The following KMT2A variants were observed in gnomAD, a reference collection of about 807,000 sequenced individuals.
The protein encoded by KMT2A is histone-lysine N-methyltransferase 2A.
KMT2A carries 16 observed loss-of-function variants against 345.3 expected under a neutral mutation model. The ratio of observed to expected loss-of-function variants is 0.05; its 90% CI spans 0.03 to 0.07. The LOEUF is 0.07. Ranked by LOEUF, KMT2A falls within the 10% of genes least tolerant of loss-of-function variation. KMT2A has a pLI of 1.00. For missense variants in KMT2A, 3,272 were observed against 4,841.6 expected (o/e 0.68, Z 9.62); for synonymous variants, 1,599 against 1,778.6 (o/e 0.90, Z 2.54).
Position 118,484,904 on chromosome 11 carries a change from G to A in KMT2A, c.4261G>A (p.Gly1421Arg). The A allele has an allele frequency of 6.2e-7, 1 of 1,614,050 alleles. No homozygotes were observed. The highest frequency in any genetic ancestry group is 2.2e-5 in the East Asian group (1 of 44,864). ...AAATGTGTGGGAGATGGGAGGCTTA[G>A]GAATCTTGACTTCTGTTCCTATAAC... Reference protein sequence around the residue: ...AENVWEMGGLGILTSVPITPR... With the variant: ...AENVWEMGGLRILTSVPITPR... Residue 1421 changes from glycine to arginine, a missense_variant, in exon 10 of 36, where the codon GGA (glycine) becomes AGA (arginine). By Grantham distance (125) the Gly-to-Arg change is moderately radical. Around this residue, in one of 27 missense-constraint regions of KMT2A, gnomAD observed 120 missense variants for 280.4 expected, o/e 0.43. Transcript: ENST00000534358. The surrounding 1 kb of genome is among the most constrained non-coding windows in gnomAD (Gnocchi z 4.1).
At position 118,505,442 on chromosome 11, in the gene KMT2A, C is replaced by T. The variant is rs1950564427; in HGVS notation, c.9550C>T (p.Pro3184Ser). ...TTTCCCACCAAACATCAGCAATCCT[C>T]CTTCAGGCCTGCTTATTGGGGTTCA... ...SSFPPNISNPPSGLLIGVQPP... is the reference protein window; with the variant it reads ...SSFPPNISNPSSGLLIGVQPP... Residue 3184 changes from proline (P) to serine (S), a missense_variant, in exon 27 of 36, where the codon CCT (proline) becomes TCT (serine). Transcript: ENST00000534358. The surrounding 1 kb of genome is among the most constrained non-coding windows in gnomAD (Gnocchi z 4.6). 1 of 1,614,096 alleles carries T rather than the reference C, an allele frequency of 6.2e-7. No homozygotes were observed. Among genetic ancestry groups the T allele is most frequent in the African/African-American group, 1.3e-5 (1 of 74,938 alleles).
chr11:118,493,485 T>G lies in KMT2A; in HGVS notation c.5178+255T>G, dbSNP rs2134347238. Among the ~76,000 whole-genome samples, 1 of 152,278 alleles carries G rather than the reference T, an allele frequency of 6.6e-6. No homozygotes were observed. Among genetic ancestry groups the G allele is most frequent in the East Asian group, 1.9e-4 (1 of 5,194 alleles). On this transcript the variant is annotated intron_variant, in intron 16 of 35. Coordinates refer to ENST00000534358, the MANE Select transcript of KMT2A (RefSeq NM_001197104.2). The surrounding 1 kb of genome is among the most constrained non-coding windows in gnomAD (Gnocchi z 5.8). ...CATCTCAGTTTTCTGAAAATTATTTTTATATTAAGAGGAAGCACTAAGAAA... is the reference window on the plus strand; with the variant it reads ...CATCTCAGTTTTCTGAAAATTATTTGTATATTAAGAGGAAGCACTAAGAAA...
rs191500081 is a variant in KMT2A at position 118,521,715 on chromosome 11, C to T, written c.11644-182C>T. On this transcript the variant is annotated intron_variant, in intron 35 of 35. Coordinates refer to ENST00000534358, the MANE Select transcript of KMT2A (RefSeq NM_001197104.2). The surrounding 1 kb of genome is among the most constrained non-coding windows in gnomAD (Gnocchi z 5.3). The stretch of plus-strand genomic sequence containing the variant: ...ACATTAGAAACCTCTAGACTAGTGG[C>T]CTGTAATCTAGGAAATCCTCGTGGA... 7.9e-5 allele frequency among the ~76,000 whole-genome samples: 12 copies of T among 152,240 alleles called. No homozygotes were observed. Among genetic ancestry groups the T allele is most frequent in the Non-Finnish European group, 1.3e-4 (9 of 68,022 alleles).
Position 118,496,395 on chromosome 11 carries a change from G to A in KMT2A, c.5664+28G>A. On this transcript the variant is annotated intron_variant, in intron 20 of 35. Transcript: ENST00000534358. The surrounding 1 kb of genome is among the most constrained non-coding windows in gnomAD (Gnocchi z 4.7). ...AAGTACTTTGCAACACAGGGCCCTA[G>A]TTAATACATACTCCAAAAGAACTGT... 1 of 1,450,136 alleles carries A rather than the reference G, an allele frequency of 6.9e-7. No homozygotes were observed. Among genetic ancestry groups the A allele is most frequent in the South Asian group, 1.1e-5 (1 of 87,690 alleles). The allele number at this position is 1,450,136 out of a possible 1,614,324, so 89.8% of individuals were successfully genotyped here. A position where few individuals can be genotyped will look rare whatever the true frequency, so the allele number is the denominator to read the frequency against.
rs1051655267 is a variant in KMT2A at position 118,521,602 on chromosome 11, A to G, written c.11643+185A>G. On this transcript the variant is annotated intron_variant, in intron 35 of 35. Coordinates refer to ENST00000534358, the MANE Select transcript of KMT2A (RefSeq NM_001197104.2). The surrounding 1 kb of genome is among the most constrained non-coding windows in gnomAD (Gnocchi z 5.3). ...GAATCCACTCTGAGGATTAGTACAG[A>G]AAGTTGCTCTTAGAAGGTTTGTCTG... 6.6e-6 allele frequency among the ~76,000 whole-genome samples: 1 copy of G among 152,214 alleles called. No homozygotes were observed. Among genetic ancestry groups the G allele is most frequent in the Non-Finnish European group, 1.5e-5 (1 of 68,038 alleles).
intron 15 of KMT2A, among the ~76,000 whole-genome samples, chr11:118,492,709 A>C (rs477106): frequency 0.75 from 113,786 of 152,182 alleles, 43,428 homozygotes; most frequent in Admixed American, 0.86. Context: ...AACCGCATGG[A>C]TCACTTTACC....
chr11:118,471,156 G>C lies in KMT2A; in HGVS notation c.503-506G>C, dbSNP rs149047036. 1.4e-4 allele frequency among the ~76,000 whole-genome samples: 22 copies of C among 152,270 alleles called. 1 individual carries two copies. In the East Asian group the frequency reaches 2.7e-3, roughly 19 times the overall value. On this transcript the variant is annotated intron_variant, in intron 2 of 35. Transcript: ENST00000534358. The stretch of plus-strand genomic sequence containing the variant: ...TTTGGCAAAACAGATTGAAATATGG[G>C]ACTCTGAGCTGCCCAAGGAGTTGGT...
chr11:118,512,109 A>T (rs889859585), intron 31 of KMT2A, 84 bp downstream of exon 31: 66 of 1,304,530 alleles, frequency 5.1e-5, no homozygotes, highest in Non-Finnish European at 6.6e-5. Context: ...TTCTGTGAAA[A>T]AAAAATCAGT....
At chr11:118,455,932 G>A (rs1208719425) in intron 1 of KMT2A, among the ~76,000 whole-genome samples, 1 of 151,988 alleles carries the variant, frequency 6.6e-6, no homozygotes, top group African/African-American at 2.4e-5. Flanking sequence ...CAAGCAAGCT[G>A]CCTGCTTCAG....
chr11:118,494,323 A>G lies in KMT2A; in HGVS notation c.5214A>G (p.Gln1738=). The G allele has an allele frequency of 6.2e-7, 1 of 1,608,098 alleles. No homozygotes were observed. The highest frequency in any genetic ancestry group is 8.5e-7 in the Non-Finnish European group (1 of 1,174,542). ...EFSDDIVKII[Q]AAINSDGGQP... The stretch of plus-strand genomic sequence containing the variant: ...GTGATGATATTGTGAAGATCATTCA[A>G]GCAGCCATTAATTCAGATGGAGGAC... Residue 1738 remains glutamine (Q), a synonymous_variant, in exon 17 of 36, where the codon CAA becomes CAG. Coordinates refer to ENST00000534358, the MANE Select transcript of KMT2A (RefSeq NM_001197104.2). This position sits in a 1 kb window ranked among gnomAD's most constrained non-coding sequence, Gnocchi z 5.8.
chr11:118,508,839 T>C (rs1555049300), intron 28 of KMT2A, among the ~76,000 whole-genome samples: 1 of 152,240 alleles, frequency 6.6e-6, no homozygotes, highest in African/African-American at 2.4e-5. Context: ...TTCTGACAAG[T>C]GTCCTTTCAT....
chr11:118,519,750 C>G lies in KMT2A; in HGVS notation c.11279C>G (p.Pro3760Arg), dbSNP rs2135283500. ...AAGCCAGAGGAGGCCAATGAACCCC[C>G]CTTGAACCCTCACGGCTCAGCCAGG... The part of the protein sequence containing the change: ...FHKPEEANEP[P>R]LNPHGSARAE... The change falls in exon 32 of 36, where the codon CCC becomes CGC. Residue 3760 changes from proline (P) to arginine (R), a missense_variant. Transcript: ENST00000534358. 1 of 1,614,108 alleles carries G rather than the reference C, an allele frequency of 6.2e-7. No individual in the cohort carries two copies. Among genetic ancestry groups the G allele is most frequent in the Non-Finnish European group, 8.5e-7 (1 of 1,179,970 alleles).
rs1555053108 is a variant in KMT2A at position 118,520,299 on chromosome 11, T to C, written c.11429+235T>C. On this transcript the variant is annotated intron_variant, in intron 33 of 35. Transcript: ENST00000534358. The surrounding 1 kb of genome is among the most constrained non-coding windows in gnomAD (Gnocchi z 4.3). ...TGTTTTCTTTAATGATAGTATACTCTGTCAGCTTTGGTTGTACCACCATAG... is the reference window on the plus strand; with the variant it reads ...TGTTTTCTTTAATGATAGTATACTCCGTCAGCTTTGGTTGTACCACCATAG... 7.9e-6 allele frequency: 4 copies of C among 505,692 alleles called. No homozygotes were observed. Among genetic ancestry groups the C allele is most frequent in the African/African-American group, 7.7e-5 (4 of 51,796 alleles). The allele number at this position is 505,692 out of a possible 1,614,324, so 31.3% of individuals were successfully genotyped here. A position where few individuals can be genotyped will look rare whatever the true frequency, so the allele number is the denominator to read the frequency against.
intron 4 of KMT2A, among the ~76,000 whole-genome samples, chr11:118,477,378 CAG>C (rs1464101765): frequency 6.6e-6 from 1 of 151,722 alleles, no homozygotes; most frequent in Non-Finnish European, 1.5e-5. Flanking sequence ...AGTAGCCACT[CAG>C]AACAAATTTA....
intron 5 of KMT2A, 98 bp from the exon 6 acceptor site, chr11:118,480,076 A>G: frequency 1.1e-6 from 1 of 921,292 alleles, no homozygotes; most frequent in South Asian, 1.4e-5. Flanking sequence ...GTGAACCTGA[A>G]TACAGATTCA....
chr11:118,462,396 C>G (rs1184175042), intron 1 of KMT2A, among the ~76,000 whole-genome samples: 1 of 152,062 alleles, frequency 6.6e-6, no homozygotes, highest in Non-Finnish European at 1.5e-5. Context: ...GACTGGAGCT[C>G]TTTAACATAA....
chr11:118,513,016 A>C (rs1355298241), intron 31 of KMT2A, among the ~76,000 whole-genome samples: 1 of 152,104 alleles, frequency 6.6e-6, no homozygotes, highest in African/African-American at 2.4e-5. Flanking sequence ...AGGCAGAAGG[A>C]TCATTTGAGG....
Position 118,494,542 on chromosome 11 carries a change from G to A in KMT2A, c.5289+144G>A. 1.2e-6 allele frequency: 1 copy of A among 833,616 alleles called. No individual in the cohort carries two copies. Among genetic ancestry groups the A allele is most frequent in the Non-Finnish European group, 1.9e-6 (1 of 520,754 alleles). The allele number at this position is 833,616 out of a possible 1,614,324, so 51.6% of individuals were successfully genotyped here. ...TTAATTTGATCCCCTGATTCTTTGA[G>A]AGGAACTTGGTGAGGTTGCCAGAGT... is the stretch of plus-strand genomic sequence containing the variant. On this transcript the variant is annotated intron_variant, in intron 17 of 35. Transcript: ENST00000534358. This position sits in a 1 kb window ranked among gnomAD's most constrained non-coding sequence, Gnocchi z 5.8.
At chr11:118,506,682 G>A (rs375077411) in intron 27 of KMT2A, 36 bp downstream of exon 27, 8 of 1,532,090 alleles carry the variant, frequency 5.2e-6, no homozygotes, top group South Asian at 3.8e-5. Context: ...CTGGGTCTGT[G>A]GGATTTCATG....
Sources: gnomAD v4.1 joint callset for allele counts (sites outside exome capture counted in the v4.1 genomes callset) on GRCh38, gnomAD v4.1.1 for gene constraint, gnomAD v4.1.1 regional missense constraint, Gnocchi (gnomAD v3.1) non-coding constraint, MANE v1.5 for transcripts, NCBI Gene and HGNC (gene_info 2026-07-23, HGNC 2026-07-21) for gene names.